Variants in EPN2 observed in about 807,000 individuals in gnomAD.
The protein encoded by EPN2 is epsin 2.
In EPN2, 34 loss-of-function variants were observed where a neutral mutation model predicts 61.7. The ratio of observed to expected loss-of-function variants is 0.55; its 90% CI spans 0.42 to 0.73. The LOEUF (loss-of-function observed/expected upper bound fraction) is 0.73, where lower values mean the gene tolerates loss of function less well. Among genes scored for constraint, EPN2 ranks in the 30% least tolerant of loss-of-function variants. EPN2 has a pLI of 0.00. For missense variants in EPN2, 714 were observed against 839.2 expected, an observed-to-expected ratio of 0.85 and a Z score of 1.84; for synonymous variants, 349 against 353.6, an observed-to-expected ratio of 0.99 and a Z score of 0.15.
At chr17:19,266,459 G>A (rs1012399934) in intron 1 of EPN2, among the ~76,000 whole-genome samples, 9 of 150,792 alleles carry the variant, frequency 6.0e-5, no homozygotes, top group Admixed American at 5.9e-4. Flanking sequence ...CTGGAGTGCA[G>A]TGGCGCGATC....
chr17:19,285,214 A>G lies in EPN2; in HGVS notation c.596-406A>G, dbSNP rs779723951. Reference sequence around the variant, plus strand: ...TCTTTATGTGCTTTTCATGGTCATTATTCTCAAGAAGCCAGAGGATGCTAA... The same window carrying G: ...TCTTTATGTGCTTTTCATGGTCATTGTTCTCAAGAAGCCAGAGGATGCTAA... On this transcript the variant is annotated intron_variant, in intron 3 of 10. Coordinates refer to ENST00000314728, the MANE Select transcript of EPN2 (RefSeq NM_014964.5). The surrounding 1 kb of genome is among the most constrained non-coding windows in gnomAD (Gnocchi z 4.5). 9.2e-5 allele frequency among the ~76,000 whole-genome samples: 14 copies of G among 152,168 alleles called. No homozygotes were observed. The highest frequency in any genetic ancestry group is 1.6e-4 in the Non-Finnish European group (11 of 68,030).
chr17:19,238,142 G>GCGGGGA (rs1486994732), intron 1 of EPN2, among the ~76,000 whole-genome samples: 1 of 152,232 alleles, frequency 6.6e-6, no homozygotes, highest in Non-Finnish European at 1.5e-5. Flanking sequence ...CCACGGAACA[G>GCGGGGA]CGGGGACGGG....
chr17:19,264,298 A>G (rs1317319814), intron 1 of EPN2, among the ~76,000 whole-genome samples: 1 of 152,222 alleles, frequency 6.6e-6, no homozygotes, highest in Non-Finnish European at 1.5e-5. Context: ...TGTTAAATTT[A>G]GTGCGAAGTA....
chr17:19,273,261 G>C (rs899334085), intron 1 of EPN2: 1 of 152,088 alleles, frequency 6.6e-6, no homozygotes, highest in African/African-American at 2.4e-5. Context: ...GGTCTGCTCA[G>C]CCTTTTTTTT....
intron 1 of EPN2, among the ~76,000 whole-genome samples, chr17:19,270,889 G>A (rs538416577): frequency 2.4e-4 from 37 of 152,284 alleles, no homozygotes; most frequent in African/African-American, 8.4e-4. Flanking sequence ...CACCTGGTAG[G>A]GCTGTTCCTG....
chr17:19,270,537 C>G (rs1293101421), intron 1 of EPN2, among the ~76,000 whole-genome samples: 1 of 152,218 alleles, frequency 6.6e-6, no homozygotes, highest in Non-Finnish European at 1.5e-5. Flanking sequence ...GACATTGCAC[C>G]TTGGCAGGAC....
chr17:19,241,923 G>T (rs896917682), intron 1 of EPN2, among the ~76,000 whole-genome samples: 2 of 152,034 alleles, frequency 1.3e-5, no homozygotes, highest in Admixed American at 6.6e-5. Context: ...CCTGTAGAAG[G>T]CCCCACAAAA....
intron 1 of EPN2, among the ~76,000 whole-genome samples, chr17:19,260,722 C>G (rs1304908091): frequency 6.6e-6 from 1 of 151,714 alleles, no homozygotes; most frequent in Non-Finnish European, 1.5e-5. Flanking sequence ...AATTTTGCCC[C>G]TCACTCCTGA....
At chr17:19,294,870 C>T (rs543638672) in intron 4 of EPN2, among the ~76,000 whole-genome samples, 1 of 152,202 alleles carries the variant, frequency 6.6e-6, no homozygotes, top group African/African-American at 2.4e-5. Flanking sequence ...GATTGGCTAG[C>T]ATAGTCACAG....
At chr17:19,245,911 C>T (rs1009575120) in intron 1 of EPN2, among the ~76,000 whole-genome samples, 6 of 151,964 alleles carry the variant, frequency 3.9e-5, no homozygotes, top group South Asian at 2.1e-4. Context: ...GTGATCTGCC[C>T]GCCTCGGCCT....
chr17:19,289,988 T>C (rs908208896), intron 4 of EPN2, among the ~76,000 whole-genome samples: 33 of 152,136 alleles, frequency 2.2e-4, no homozygotes, highest in Non-Finnish European at 1.2e-4. Flanking sequence ...CCCAAAGTGC[T>C]GGGATTACAG....
Position 19,328,761 on chromosome 17 carries a change from A to G in EPN2, c.1198A>G (p.Thr400Ala), listed in dbSNP as rs779842267. 5 of 1,613,310 alleles carry G rather than the reference A, an allele frequency of 3.1e-6. No individual in the cohort carries two copies. In the Admixed American group the frequency reaches 8.3e-5, roughly 27 times the overall value. Residue 400 changes from threonine to alanine, a missense_variant, in exon 8 of 11, where the codon ACC becomes GCC. Coordinates refer to ENST00000314728, the MANE Select transcript of EPN2 (RefSeq NM_014964.5). Reference sequence around the variant, plus strand: ...CCCATGGGGGGTGCCCACTGGAGCCACCGTACAATCTGTCCCCAAGAACTC... The same window carrying G: ...CCCATGGGGGGTGCCCACTGGAGCCGCCGTACAATCTGTCCCCAAGAACTC... ...IDPWGVPTGATVQSVPKNSDP... is the reference protein window; with the variant it reads ...IDPWGVPTGAAVQSVPKNSDP...
At chr17:19,311,656 A>AT (rs1337248095) in intron 5 of EPN2, among the ~76,000 whole-genome samples, 3 of 152,178 alleles carry the variant, frequency 2.0e-5, no homozygotes, top group Non-Finnish European at 4.4e-5. Context: ...ATGATACGTG[A>AT]TTTTTATCTT....
chr17:19,329,430 C>G (rs1291339681), intron 8 of EPN2, 131 bp from the exon 9 acceptor site: 1 of 624,186 alleles, frequency 1.6e-6, no homozygotes, highest in South Asian at 2.3e-5. Flanking sequence ...TCTCAGAATT[C>G]TCCTCCATGA....
chr17:19,266,519 C>T (rs1451261259), intron 1 of EPN2, among the ~76,000 whole-genome samples: 1 of 151,940 alleles, frequency 6.6e-6, no homozygotes, highest in Admixed American at 6.6e-5. Context: ...TCTCCTGCCT[C>T]AGCCTCCGGA....
Position 19,313,128 on chromosome 17 carries a change from T to A in EPN2, c.996T>A (p.Thr332=). 6.2e-7 allele frequency: 1 copy of A among 1,613,884 alleles called. No individual in the cohort carries two copies. Among genetic ancestry groups the A allele is most frequent in the Non-Finnish European group, 8.5e-7 (1 of 1,179,870 alleles). ...AGCATGGCTCTCTCCCACAGCAGAC[T>A]ACGCTGTTGGATTTAATGGATGCTC... The part of the protein sequence containing the change: ...KKEHGSLPQQ[T]TLLDLMDALP... Residue 332 remains threonine, a synonymous_variant, in exon 7 of 11, where the codon ACT becomes ACA. Coordinates refer to ENST00000314728, the MANE Select transcript of EPN2 (RefSeq NM_014964.5).
At chr17:19,244,855 A>G (rs2152199376) in intron 1 of EPN2, among the ~76,000 whole-genome samples, 1 of 152,320 alleles carries the variant, frequency 6.6e-6, no homozygotes, top group South Asian at 2.1e-4. Flanking sequence ...CAGGCCATAC[A>G]GTTAGTATGA....
intron 1 of EPN2, among the ~76,000 whole-genome samples, chr17:19,255,824 T>G (rs2045070987): frequency 6.6e-6 from 1 of 152,084 alleles, no homozygotes; most frequent in African/African-American, 2.4e-5. Context: ...GGTCTCATTT[T>G]GTTGCCCAGG....
intron 1 of EPN2, among the ~76,000 whole-genome samples, chr17:19,278,058 C>G (rs957596748): frequency 8.0e-6 from 1 of 125,214 alleles, no homozygotes; most frequent in African/African-American, 3.2e-5. Context: ...GGCGACAGAG[C>G]GAGACTATGT....
Sources: gnomAD v4.1 joint callset for allele counts (sites outside exome capture counted in the v4.1 genomes callset) on GRCh38, gnomAD v4.1.1 for gene constraint, Gnocchi (gnomAD v3.1) non-coding constraint, MANE v1.5 for transcripts, NCBI Gene and HGNC (gene_info 2026-07-23, HGNC 2026-07-21) for gene names.